The following ANKRD63 variants were observed in gnomAD, a reference collection of about 807,000 sequenced individuals.
The protein encoded by ANKRD63 is ankyrin repeat domain-containing protein 63.
In ANKRD63, 18 loss-of-function variants were observed where a neutral mutation model predicts 21.2. The observed-to-expected ratio is 0.85, with a 90% CI of 0.59 to 1.26. The LOEUF (loss-of-function observed/expected upper bound fraction) is 1.26, where lower values mean the gene tolerates loss of function less well. Among genes scored for constraint, ANKRD63 ranks in the 50% most tolerant of loss-of-function variants. The pLI, the probability that ANKRD63 is intolerant of heterozygous loss-of-function variation, is 0.00. For synonymous variants in ANKRD63, 322 were observed against 273.3 expected (o/e 1.18, Z -1.76); for missense variants, 523 against 570.9 (o/e 0.92, Z 0.85).
Position 40,280,510 on chromosome 15 carries a change from AC to A in ANKRD63, c.*933del. ...CGCAACCGTTCCACCCCGCGGGAGC[AC>A]CCACGTGCGGGACGGGGGAGCTGGG... On this transcript the variant is annotated 3_prime_UTR_variant, in exon 1 of 1. Transcript: ENST00000434396. Among the ~76,000 whole-genome samples, 2 of 152,380 alleles carry A rather than the reference AC, an allele frequency of 1.3e-5. No homozygotes were observed. The highest frequency in any genetic ancestry group is 1.3e-4 in the Admixed American group (2 of 15,306).
In ANKRD63 at chr15:40,281,885, G is replaced by A; in HGVS notation, c.702C>T (p.Gly234=). The A allele has an allele frequency of 7.0e-7, 1 of 1,438,340 alleles. No homozygotes were observed. Among genetic ancestry groups the A allele is most frequent in the South Asian group, 1.4e-5 (1 of 69,058 alleles). 89.1% of individuals were successfully genotyped at this position (1,438,340 alleles called of 1,614,324 possible). ...RAAGGHGGEA[G]SAGKNSGRHR... ...GCCGGCCCGAATTCTTGCCCGCTGA[G>A]CCAGCCTCGCCGCCGTGGCCGCCCG... is the stretch of plus-strand genomic sequence containing the variant. Residue 234 remains glycine, a synonymous_variant, in exon 1 of 1, where the codon GGC becomes GGT. Coordinates refer to ENST00000434396, the MANE Select transcript of ANKRD63 (RefSeq NM_001190479.3).
At position 40,282,561 on chromosome 15, in the gene ANKRD63, G is replaced by A; in HGVS notation, c.26C>T (p.Pro9Leu). 2.7e-6 allele frequency: 4 copies of A among 1,467,000 alleles called. No individual in the cohort carries two copies. Among genetic ancestry groups the A allele is most frequent in the Non-Finnish European group, 3.6e-6 (4 of 1,115,234 alleles). 90.9% of individuals were successfully genotyped at this position (1,467,000 alleles called of 1,614,324 possible). The change falls in exon 1 of 1, where the codon CCC becomes CTC. Residue 9 changes from proline (P) to leucine (L), a missense_variant. Pro to Leu is a moderately conservative substitution (Grantham distance 98). Coordinates refer to ENST00000434396, the MANE Select transcript of ANKRD63 (RefSeq NM_001190479.3). ...CAGGAAGGTGCGCGTCCCCGCTCGG[G>A]GGCACAGGTCCTTGGGTTTGAGCAT... Reference protein sequence around the residue: MLKPKDLCPRAGTRTFLEA... With the variant: MLKPKDLCLRAGTRTFLEA...
Position 40,282,790 on chromosome 15 carries a change from G to T in ANKRD63, c.-204C>A, listed in dbSNP as rs533254137. Among the ~76,000 whole-genome samples the T allele has an allele frequency of 6.6e-6, 1 of 152,322 alleles. No individual in the cohort carries two copies. The highest frequency in any genetic ancestry group is 2.1e-4 in the South Asian group (1 of 4,834). On this transcript the variant is annotated 5_prime_UTR_variant, in exon 1 of 1. Transcript: ENST00000434396. ...GCCGCTCCTGGGCCGCACGCCTGGC[G>T]TGTCGCCGCTCCTTCCCCGGGCCTC...
Position 40,280,740 on chromosome 15 carries a change from G to A in ANKRD63, c.*704C>T, listed in dbSNP as rs78661670. 9.1e-3 allele frequency among the ~76,000 whole-genome samples: 1,385 copies of A among 152,336 alleles called. 19 individuals are homozygous for A. Among genetic ancestry groups the A allele is most frequent in the African/African-American group, 0.032 (1,322 of 41,566 alleles). ...GGAGCAGTGACTCCACATTATCAATGAAGCTGAATCCTGGGGCAGAGAGAG... is the reference window on the plus strand; with the variant it reads ...GGAGCAGTGACTCCACATTATCAATAAAGCTGAATCCTGGGGCAGAGAGAG... On this transcript the variant is annotated 3_prime_UTR_variant, in exon 1 of 1. Coordinates refer to ENST00000434396, the MANE Select transcript of ANKRD63 (RefSeq NM_001190479.3).
rs540999507 is a variant in ANKRD63, at chr15:40,282,022, A to G, written c.565T>C (p.Ser189Pro). 9.0e-6 allele frequency: 11 copies of G among 1,218,404 alleles called. No individual in the cohort carries two copies. The South Asian group carries it at 3.1e-4, about 34-fold the overall frequency. The allele number at this position is 1,218,404 out of a possible 1,614,324, so 75.5% of individuals were successfully genotyped here. A position where few individuals can be genotyped will look rare whatever the true frequency, so the allele number is the denominator to read the frequency against. ...RAAAAAAARG[S>P]NSDSPPGRPA... Reference sequence around the variant, plus strand: ...CGGCCAGGGGGACTATCGGAGTTGGAGCCCCGGGCCGCAGCGGCGGCGGCG... The same window carrying G: ...CGGCCAGGGGGACTATCGGAGTTGGGGCCCCGGGCCGCAGCGGCGGCGGCG... Residue 189 changes from serine (S) to proline (P), a missense_variant, in exon 1 of 1, where the codon TCC becomes CCC. Around this residue, in one of 2 missense-constraint regions of ANKRD63, gnomAD observed 308 missense variants for 290.4 expected, o/e 1.06. Transcript: ENST00000434396.
Position 40,282,646 on chromosome 15 carries a change from G to A in ANKRD63, c.-60C>T, listed in dbSNP as rs992565774. ...TCCGCACGGGGGCGCCCCTGTTCTC[G>A]CGCCCCGCGGGGCTCCGGCCTCCGC... On this transcript the variant is annotated 5_prime_UTR_variant, in exon 1 of 1. Transcript: ENST00000434396. 6.0e-5 allele frequency: 77 copies of A among 1,280,628 alleles called. No individual in the cohort carries two copies. Among genetic ancestry groups the A allele is most frequent in the Non-Finnish European group, 7.3e-5 (73 of 996,388 alleles). The allele number at this position is 1,280,628 out of a possible 1,614,324, so 79.3% of individuals were successfully genotyped here.
Position 40,282,115 on chromosome 15 carries a change from G to C in ANKRD63, c.472C>G (p.Leu158Val). The change falls in exon 1 of 1, where the codon CTG (leucine) becomes GTG (valine). Residue 158 changes from leucine (L) to valine (V), a missense_variant. By Grantham distance (32) the Leu-to-Val change is conservative (BLOSUM62 1). Coordinates refer to ENST00000434396, the MANE Select transcript of ANKRD63 (RefSeq NM_001190479.3). ...TGGCCGCGGGCGGCGGCCAGTTGCA[G>C]CGCGGTGAGCCCCGCACGGTTGGTG... ...DRTNRAGLTA[L>V]QLAAARGHGT... is the part of the protein sequence containing the mutation. The C allele has an allele frequency of 5.0e-6, 7 of 1,411,106 alleles. No homozygotes were observed. Among genetic ancestry groups the C allele is most frequent in the Non-Finnish European group, 6.4e-6 (7 of 1,092,466 alleles). 87.4% of individuals were successfully genotyped at this position (1,411,106 alleles called of 1,614,324 possible). A position where few individuals can be genotyped will look rare whatever the true frequency, so the allele number is the denominator to read the frequency against.
rs1315692391 is a variant in ANKRD63 at position 40,282,098 on chromosome 15, G to A, written c.489C>T (p.Ala163=). The A allele has an allele frequency of 1.4e-6, 2 of 1,387,380 alleles. No homozygotes were observed. Among genetic ancestry groups the A allele is most frequent in the Admixed American group, 3.8e-5 (1 of 26,626 alleles). The allele number at this position is 1,387,380 out of a possible 1,614,324, so 85.9% of individuals were successfully genotyped here. A position where few individuals can be genotyped will look rare whatever the true frequency, so the allele number is the denominator to read the frequency against. Residue 163 remains alanine (A), a synonymous_variant, in exon 1 of 1, where the codon GCC becomes GCT. Transcript: ENST00000434396. ...AGLTALQLAA[A]RGHGTCVQAL... ...CCTGCACACAGGTCCCGTGGCCGCGGGCGGCGGCCAGTTGCAGCGCGGTGA... is the reference window on the plus strand; with the variant it reads ...CCTGCACACAGGTCCCGTGGCCGCGAGCGGCGGCCAGTTGCAGCGCGGTGA...
At position 40,279,499 on chromosome 15, in the gene ANKRD63, G is replaced by A. The variant is rs1013936173; in HGVS notation, c.*1945C>T. On this transcript the variant is annotated 3_prime_UTR_variant, in exon 1 of 1. Coordinates refer to ENST00000434396, the MANE Select transcript of ANKRD63 (RefSeq NM_001190479.3). Reference sequence around the variant, plus strand: ...CACATGGATGAAGAAGTACACAGGGGTGATCCCAAAGAAAACCAGGATGTC... The same window carrying A: ...CACATGGATGAAGAAGTACACAGGGATGATCCCAAAGAAAACCAGGATGTC... 6.6e-6 allele frequency among the ~76,000 whole-genome samples: 1 copy of A among 152,234 alleles called. No homozygotes were observed. The highest frequency in any genetic ancestry group is 1.5e-5 in the Non-Finnish European group (1 of 68,052).
At position 40,282,479 on chromosome 15, in the gene ANKRD63, G is replaced by C; in HGVS notation, c.108C>G (p.Asp36Glu). 1 of 1,520,448 alleles carries C rather than the reference G, an allele frequency of 6.6e-7. No homozygotes were observed. The highest frequency in any genetic ancestry group is 8.8e-7 in the Non-Finnish European group (1 of 1,141,552). The allele number at this position is 1,520,448 out of a possible 1,614,324, so 94.2% of individuals were successfully genotyped here. Residue 36 changes from aspartate to glutamate, a missense_variant, in exon 1 of 1, where the codon GAC (aspartate) becomes GAG (glutamate). By Grantham distance (45) the Asp-to-Glu change is conservative. Coordinates refer to ENST00000434396, the MANE Select transcript of ANKRD63 (RefSeq NM_001190479.3). Reference protein sequence around the residue: ...HLARFVLDALDRSIIDCRAEQ... With the variant: ...HLARFVLDALERSIIDCRAEQ... ...CCGCGCGGCAGTCGATGATGCTGCG[G>C]TCCAGCGCATCCAACACGAAGCGGG...
Position 40,281,662 on chromosome 15 carries a change from G to T in ANKRD63, c.925C>A (p.Pro309Thr). 1 of 1,526,788 alleles carries T rather than the reference G, an allele frequency of 6.5e-7. No homozygotes were observed. Among genetic ancestry groups the T allele is most frequent in the Non-Finnish European group, 8.8e-7 (1 of 1,141,228 alleles). The allele number at this position is 1,526,788 out of a possible 1,614,324, so 94.6% of individuals were successfully genotyped here. ...TCCGGGTGGGGACTGAGGCCAATGG[G>T]GGCTTGCGCTAAGGTTGGGGGCGCT... ...EGAPPTLAQA[P>T]IGLSPHPEGG... The change falls in exon 1 of 1, where the codon CCC becomes ACC. Residue 309 changes from proline (P) to threonine (T), a missense_variant. This residue lies in a region of ANKRD63 where 308 missense variants were observed against 290.4 expected (regional missense o/e 1.06). Coordinates refer to ENST00000434396, the MANE Select transcript of ANKRD63 (RefSeq NM_001190479.3).
rs2039555423 is a variant in ANKRD63, at chr15:40,282,365, A to G, written c.222T>C (p.Gly74=). 4 of 1,503,242 alleles carry G rather than the reference A, an allele frequency of 2.7e-6. No individual in the cohort carries two copies. The highest frequency in any genetic ancestry group is 3.5e-6 in the Non-Finnish European group (4 of 1,135,056). 93.1% of individuals were successfully genotyped at this position (1,503,242 alleles called of 1,614,324 possible). ...ARFVRLLLEQ[G]AAVNLRDERG... ...GCTCGTCTCGCAGGTTCACTGCAGC[A>G]CCCTGCTCGAGCAGCAGCCGCACGA... The change falls in exon 1 of 1, where the codon GGT becomes GGC. Residue 74 remains glycine (G), a synonymous_variant. Coordinates refer to ENST00000434396, the MANE Select transcript of ANKRD63 (RefSeq NM_001190479.3).
rs1040439627 is a variant in ANKRD63 at position 40,282,727 on chromosome 15, G to A, written c.-141C>T. ...GGGCGGCTGCAGCCGAGGGTCCCGA[G>A]GTTCCTACTCCGCTGTCCCGGAGGC... On this transcript the variant is annotated 5_prime_UTR_variant, in exon 1 of 1. Transcript: ENST00000434396. The A allele has an allele frequency of 8.0e-6, 5 of 626,754 alleles. No homozygotes were observed. The highest frequency in any genetic ancestry group is 1.2e-5 in the Non-Finnish European group (5 of 406,932). The allele number at this position is 626,754 out of a possible 1,614,324, so 38.8% of individuals were successfully genotyped here.
At position 40,282,710 on chromosome 15, in the gene ANKRD63, G is replaced by A. The variant is rs2039560442; in HGVS notation, c.-124C>T. ...CCTCTCCCTCCGCGCGTGGGCGGCT[G>A]CAGCCGAGGGTCCCGAGGTTCCTAC... On this transcript the variant is annotated 5_prime_UTR_variant, in exon 1 of 1. Transcript: ENST00000434396. The A allele has an allele frequency of 1.4e-5, 10 of 716,580 alleles. No homozygotes were observed. Among genetic ancestry groups the A allele is most frequent in the Non-Finnish European group, 1.8e-5 (9 of 488,790 alleles). 44.4% of individuals were successfully genotyped at this position (716,580 alleles called of 1,614,324 possible). A position where few individuals can be genotyped will look rare whatever the true frequency, so the allele number is the denominator to read the frequency against.
At position 40,282,055 on chromosome 15, in the gene ANKRD63, C is replaced by T. The variant is rs1457324803; in HGVS notation, c.532G>A (p.Gly178Ser). The change falls in exon 1 of 1, where the codon GGC becomes AGC. Residue 178 changes from glycine (G) to serine (S), a missense_variant. Transcript: ENST00000434396. ...TCVQALTGPW[G>S]RAAAAAAARG... ...GCCGCAGCGGCGGCGGCGGCGCGGC[C>T]CCAGGGCCCGGTGAGGGCCTGCACA... 4.8e-6 allele frequency: 6 copies of T among 1,241,140 alleles called. No individual in the cohort carries two copies. Among genetic ancestry groups the T allele is most frequent in the Admixed American group, 4.3e-5 (1 of 23,258 alleles). The allele number at this position is 1,241,140 out of a possible 1,614,324, so 76.9% of individuals were successfully genotyped here.
rs1191942357 is a variant in ANKRD63, at chr15:40,279,653, G to A, written c.*1791C>T. Among the ~76,000 whole-genome samples, 1 of 152,230 alleles carries A rather than the reference G, an allele frequency of 6.6e-6. No individual in the cohort carries two copies. Among genetic ancestry groups the A allele is most frequent in the African/African-American group, 2.4e-5 (1 of 41,462 alleles). On this transcript the variant is annotated 3_prime_UTR_variant, in exon 1 of 1. Coordinates refer to ENST00000434396, the MANE Select transcript of ANKRD63 (RefSeq NM_001190479.3). ...CAAGCGGAGGGCAAGGACTGGATAG[G>A]TGTCCTGACACCTGCACGAGGCCCA...
Position 40,282,576 on chromosome 15 carries a change from G to A in ANKRD63, c.11C>T (p.Pro4Leu), listed in dbSNP as rs2039558645. The A allele has an allele frequency of 7.0e-7, 1 of 1,426,828 alleles. No homozygotes were observed. The highest frequency in any genetic ancestry group is 1.5e-5 in the African/African-American group (1 of 66,756). 88.4% of individuals were successfully genotyped at this position (1,426,828 alleles called of 1,614,324 possible). The change falls in exon 1 of 1, where the codon CCC (proline) becomes CTC (leucine). Residue 4 changes from proline (P) to leucine (L), a missense_variant. Coordinates refer to ENST00000434396, the MANE Select transcript of ANKRD63 (RefSeq NM_001190479.3). The part of the protein sequence containing the change: MLK[P>L]KDLCPRAGTR... Reference sequence around the variant, plus strand: ...CCCCGCTCGGGGGCACAGGTCCTTGGGTTTGAGCATGGCCCCGGCCGCCGC... The same window carrying A: ...CCCCGCTCGGGGGCACAGGTCCTTGAGTTTGAGCATGGCCCCGGCCGCCGC...
rs2039564136 is a variant in ANKRD63 at position 40,283,061 on chromosome 15, C to T, written c.-475G>A. Among the ~76,000 whole-genome samples the T allele has an allele frequency of 6.6e-6, 1 of 152,232 alleles. No individual in the cohort carries two copies. The highest frequency in any genetic ancestry group is 1.5e-5 in the Non-Finnish European group (1 of 68,028). On this transcript the variant is annotated 5_prime_UTR_variant, in exon 1 of 1. Coordinates refer to ENST00000434396, the MANE Select transcript of ANKRD63 (RefSeq NM_001190479.3). ...TCCAGCCCTGGCGGGGCGCGCCGCTCCTCAAGCTGCTGGCGCCGTTCCTCC... is the reference window on the plus strand; with the variant it reads ...TCCAGCCCTGGCGGGGCGCGCCGCTTCTCAAGCTGCTGGCGCCGTTCCTCC...
At position 40,282,027 on chromosome 15, in the gene ANKRD63, C is replaced by T. The variant is rs1303309031; in HGVS notation, c.560G>A (p.Arg187Gln). The change falls in exon 1 of 1, where the codon CGG (arginine) becomes CAG (glutamine). Residue 187 changes from arginine to glutamine, a missense_variant. Physicochemically the swap from Arg to Gln is conservative, Grantham distance 43. Around this residue, in one of 2 missense-constraint regions of ANKRD63, gnomAD observed 308 missense variants for 290.4 expected, o/e 1.06. Transcript: ENST00000434396. The stretch of plus-strand genomic sequence containing the variant: ...AGGGGGACTATCGGAGTTGGAGCCC[C>T]GGGCCGCAGCGGCGGCGGCGGCGCG... Reference protein sequence around the residue: ...WGRAAAAAAARGSNSDSPPGR... With the variant: ...WGRAAAAAAAQGSNSDSPPGR... The T allele has an allele frequency of 2.5e-6, 3 of 1,219,736 alleles. No homozygotes were observed. The highest frequency in any genetic ancestry group is 3.4e-5 in the East Asian group (1 of 29,386). 75.6% of individuals were successfully genotyped at this position (1,219,736 alleles called of 1,614,324 possible).
Sources: allele counts gnomAD v4.1 joint callset (sites outside exome capture counted in the v4.1 genomes callset), GRCh38; gene constraint gnomAD v4.1.1; regional missense constraint gnomAD v4.1.1; transcripts MANE v1.5; gene names NCBI Gene and HGNC (gene_info 2026-07-23, HGNC 2026-07-21).